OSBPL6: variants seen among roughly 807,000 people sequenced by gnomAD.
The protein encoded by OSBPL6 is oxysterol-binding protein-related protein 6.
A neutral mutation model predicts 125.8 loss-of-function variants in OSBPL6; 49 were observed. The ratio of observed to expected loss-of-function variants is 0.39; its 90% CI spans 0.31 to 0.49. OSBPL6 has a LOEUF of 0.49. Ranked by LOEUF, OSBPL6 falls within the 20% of genes least tolerant of loss-of-function variation. The pLI is 0.88. For synonymous variants in OSBPL6, 394 were observed against 391.8 expected (o/e 1.01, Z -0.07); for missense variants, 986 against 1,135.4 (o/e 0.87, Z 1.89).
chr2:178,197,809 C>A (rs1027680972), intron 1 of OSBPL6, among the ~76,000 whole-genome samples: 1 of 151,704 alleles, frequency 6.6e-6, no homozygotes, highest in African/African-American at 2.4e-5. Context: ...ATGCATGGAC[C>A]AGTGATGATA....
At chr2:178,385,924 A>C (rs1694896589) in intron 19 of OSBPL6, among the ~76,000 whole-genome samples, 1 of 152,212 alleles carries the variant, frequency 6.6e-6, no homozygotes, top group Non-Finnish European at 1.5e-5. Flanking sequence ...GTCATAATCT[A>C]AATAGATATG....
At chr2:178,329,121 C>G (rs1178326273) in intron 5 of OSBPL6, among the ~76,000 whole-genome samples, 1 of 152,056 alleles carries the variant, frequency 6.6e-6, no homozygotes. Context: ...TGATGAACAT[C>G]CTTACACATG....
intron 2 of OSBPL6, among the ~76,000 whole-genome samples, chr2:178,297,269 A>G (rs1487344377): frequency 1.3e-5 from 2 of 152,110 alleles, no homozygotes; most frequent in Non-Finnish European, 2.9e-5. Flanking sequence ...AAGCATGTGG[A>G]TTATTTTGGG....
chr2:178,365,176 C>CA lies in OSBPL6; in HGVS notation c.1287+3366dup, dbSNP rs1176538456. On this transcript the variant is annotated intron_variant, in intron 13 of 24. Coordinates refer to ENST00000190611, the MANE Select transcript of OSBPL6 (RefSeq NM_032523.4). ...GAGCAATGAGAGTGAAACTCCATCT[C>CA]AAAAATAAATAAATAAAAAACTTAT... is the stretch of plus-strand genomic sequence containing the variant. Among the ~76,000 whole-genome samples the CA allele has an allele frequency of 5.9e-5, 9 of 151,884 alleles. No homozygotes were observed. In the East Asian group the frequency reaches 1.2e-3, roughly 20 times the overall value.
At chr2:178,365,122 G>A (rs1442612351) in intron 13 of OSBPL6, among the ~76,000 whole-genome samples, 1 of 152,184 alleles carries the variant, frequency 6.6e-6, no homozygotes, top group Non-Finnish European at 1.5e-5. Context: ...GTTGCAATGA[G>A]CTGAGATCAT....
chr2:178,234,681 G>C (rs554545785), intron 1 of OSBPL6, among the ~76,000 whole-genome samples: 6 of 152,266 alleles, frequency 3.9e-5, no homozygotes, highest in African/African-American at 1.4e-4. Flanking sequence ...GTAGAGCAAA[G>C]GTTTTTAATT....
At chr2:178,212,759 A>G (rs2089917983) in intron 1 of OSBPL6, among the ~76,000 whole-genome samples, 1 of 152,206 alleles carries the variant, frequency 6.6e-6, no homozygotes, top group South Asian at 2.1e-4. Flanking sequence ...GCTCATTGGA[A>G]AACATTTTTA....
At chr2:178,264,068 A>G (rs570690389) in intron 1 of OSBPL6, among the ~76,000 whole-genome samples, 1 of 152,210 alleles carries the variant, frequency 6.6e-6, no homozygotes, top group East Asian at 1.9e-4. Context: ...GGGCTGTGAT[A>G]TGGGACACTA....
At chr2:178,230,663 G>C (rs2090778265) in intron 1 of OSBPL6, 2 of 152,080 alleles carry the variant, frequency 1.3e-5, no homozygotes, top group African/African-American at 4.8e-5. Flanking sequence ...ACTGTTCAAA[G>C]GACAAGTATG....
intron 1 of OSBPL6, among the ~76,000 whole-genome samples, chr2:178,234,742 T>C (rs2090978307): frequency 6.6e-6 from 1 of 152,242 alleles, no homozygotes; most frequent in Non-Finnish European, 1.5e-5. Context: ...AGGGTAGTTT[T>C]TCTCAAAGGC....
Position 178,305,715 on chromosome 2 carries a change from A to G in OSBPL6, c.-155-315A>G, listed in dbSNP as rs75112928. 0.015 allele frequency among the ~76,000 whole-genome samples: 2,327 copies of G among 152,310 alleles called. 105 individuals are homozygous for G. The East Asian group carries it at 0.18, about 12-fold the overall frequency. ...TGGGTAGGAGAGATTACGTTTCCGG[A>G]GGAGAATCTGGCGTCTTTAGCATCA... On this transcript the variant is annotated intron_variant, in intron 2 of 24. Coordinates refer to ENST00000190611, the MANE Select transcript of OSBPL6 (RefSeq NM_032523.4).
intron 1 of OSBPL6, among the ~76,000 whole-genome samples, chr2:178,235,667 A>G (rs1422337969): frequency 3.3e-5 from 5 of 152,020 alleles, no homozygotes; most frequent in Middle Eastern, 6.8e-3. Context: ...TGGCCTCCCA[A>G]AGTGCTGGGA....
At chr2:178,227,826 A>G (rs1271311456) in intron 1 of OSBPL6, among the ~76,000 whole-genome samples, 1 of 152,202 alleles carries the variant, frequency 6.6e-6, no homozygotes, top group Non-Finnish European at 1.5e-5. Flanking sequence ...GGGGTTCAAG[A>G]TGGTTGTTAC....
chr2:178,350,929 CAG>C lies in OSBPL6; in HGVS notation c.1153+1543_1153+1544del, dbSNP rs531647331. ...AGCTTCCAGGAAATCCAAGCATCAA[CAG>C]AGTTTTAAGGCTTCTGTTGAATGAT... On this transcript the variant is annotated intron_variant, in intron 12 of 24. Transcript: ENST00000190611. Among the ~76,000 whole-genome samples, 425 of 152,248 alleles carry C rather than the reference CAG, an allele frequency of 2.8e-3. 2 individuals carry two copies. Among genetic ancestry groups the C allele is most frequent in the African/African-American group, 9.5e-3 (394 of 41,554 alleles).
At position 178,384,171 on chromosome 2, in the gene OSBPL6, G is replaced by T; in HGVS notation, c.2008G>T (p.Glu670Ter). 1 of 1,613,706 alleles carries T rather than the reference G, an allele frequency of 6.2e-7. No individual in the cohort carries two copies. The highest frequency in any genetic ancestry group is 1.1e-5 in the South Asian group (1 of 91,012). The part of the protein sequence containing the change: ...REDKGFRFFS[E>*]QVSHHPPISA... The stretch of plus-strand genomic sequence containing the variant: ...AGACAAGGGATTCCGCTTTTTCTCA[G>T]AACAGGTAAGCGCCACTGGACTCAG... Residue 670 changes from glutamate (E) to a stop codon, truncating the protein, a stop_gained, in exon 18 of 25, where the codon GAA (glutamate) becomes TAA (stop). Transcript: ENST00000190611. LOFTEE classifies it high-confidence loss of function.
At chr2:178,326,564 T>G (rs1688711689) in intron 4 of OSBPL6, among the ~76,000 whole-genome samples, 1 of 152,222 alleles carries the variant, frequency 6.6e-6, no homozygotes, top group African/African-American at 2.4e-5. Flanking sequence ...CCTAGTCTAC[T>G]AAGTATAGAG....
At chr2:178,263,597 A>G (rs1025377588) in intron 1 of OSBPL6, among the ~76,000 whole-genome samples, 1 of 152,220 alleles carries the variant, frequency 6.6e-6, no homozygotes, top group African/African-American at 2.4e-5. Context: ...ACAAAGTGAC[A>G]CACATCAAGG....
intron 1 of OSBPL6, among the ~76,000 whole-genome samples, chr2:178,284,710 T>C (rs1161904258): frequency 6.6e-6 from 1 of 152,238 alleles, no homozygotes; most frequent in Non-Finnish European, 1.5e-5. Context: ...ATGTAAATTA[T>C]GAATGTTACT....
rs1465511696 is a variant in OSBPL6, at chr2:178,284,964, A to G, written c.-313A>G. On this transcript the variant is annotated 5_prime_UTR_variant, in exon 2 of 25. The change creates a new upstream start codon in the 5' untranslated region. Coordinates refer to ENST00000190611, the MANE Select transcript of OSBPL6 (RefSeq NM_032523.4). ...GCTGGGAAAACAGCAACAGAAGGAT[A>G]TTAAGGAGCCACCCCTATAATTTAC... is the stretch of plus-strand genomic sequence containing the variant. 1 of 398,320 alleles carries G rather than the reference A, an allele frequency of 2.5e-6. No individual in the cohort carries two copies. The highest frequency in any genetic ancestry group is 2.1e-5 in the African/African-American group (1 of 48,634). 24.7% of individuals were successfully genotyped at this position (398,320 alleles called of 1,614,324 possible).
Sources: gnomAD v4.1 joint callset for allele counts (sites outside exome capture counted in the v4.1 genomes callset) on GRCh38, gnomAD v4.1.1 for gene constraint, MANE v1.5 for transcripts, NCBI Gene and HGNC (gene_info 2026-07-23, HGNC 2026-07-21) for gene names.